Variants in CHORDC1 observed in about 807,000 individuals in gnomAD.
The protein encoded by CHORDC1 is cysteine and histidine rich domain containing 1, also known as cysteine and histidine-rich domain-containing protein 1.
In CHORDC1, 25 loss-of-function variants were observed where a neutral mutation model predicts 48.3. The ratio of observed to expected loss-of-function variants is 0.52; its 90% CI spans 0.38 to 0.72. The LOEUF (loss-of-function observed/expected upper bound fraction) is 0.72. Among genes scored for constraint, CHORDC1 ranks in the 30% least tolerant of loss-of-function variants. The pLI is 0.00. For missense variants in CHORDC1, 317 were observed against 388.7 expected (o/e 0.82, Z 1.55); for synonymous variants, 128 against 126.4 (o/e 1.01, Z -0.09).
intron 9 of CHORDC1, 143 bp from the exon 10 acceptor site, chr11:90,203,018 AGCCACTG>A: frequency 9.0e-7 from 1 of 1,110,458 alleles, no homozygotes; most frequent in Non-Finnish European, 1.2e-6. Flanking sequence ...ATATGAGAAA[AGCCACTG>A]ACAAAAAAGA....
At chr11:90,222,820 C>T in intron 1 of CHORDC1, 71 bp downstream of exon 1, 4 of 1,391,306 alleles carry the variant, frequency 2.9e-6, no homozygotes, top group Non-Finnish European at 3.0e-6. Flanking sequence ...CCGCGGACAC[C>T]CTCCGGCCCA....
intron 7 of CHORDC1, 59 bp downstream of exon 7, chr11:90,206,143 A>G: frequency 1.9e-6 from 2 of 1,027,824 alleles, no homozygotes; most frequent in Non-Finnish European, 3.1e-6. Context: ...TTAAAGACAG[A>G]AAGGTTTAAC....
At chr11:90,209,097 A>G (rs991855810) in intron 6 of CHORDC1, 1 of 152,026 alleles carries the variant, frequency 6.6e-6, no homozygotes, top group Non-Finnish European at 1.5e-5. Flanking sequence ...TTACCCTACC[A>G]TTTGCACTGC....
chr11:90,202,957 G>A (rs1161942528), intron 9 of CHORDC1, 82 bp from the exon 10 acceptor site: 15 of 1,427,064 alleles, frequency 1.1e-5, no homozygotes, highest in Admixed American at 2.7e-5. Context: ...AAATAAGACT[G>A]ACAAAAATGA....
At position 90,201,113 on chromosome 11, in the gene CHORDC1, T is replaced by C. The variant is rs1327952481; in HGVS notation, c.*1292A>G. The C allele has an allele frequency of 6.6e-6, 1 of 152,020 alleles. No individual in the cohort carries two copies. 9.4% of individuals were successfully genotyped at this position (152,020 alleles called of 1,614,324 possible). Reference sequence around the variant, plus strand: ...TTGCTAATGGTAGTAGAATGATACATATGTTTTATTCACGAAAATAGTACT... The same window carrying C: ...TTGCTAATGGTAGTAGAATGATACACATGTTTTATTCACGAAAATAGTACT... On this transcript the variant is annotated 3_prime_UTR_variant, in exon 11 of 11. Transcript: ENST00000320585.
chr11:90,222,970 T>A lies in CHORDC1; in HGVS notation c.-16A>T. 3 of 1,611,602 alleles carry A rather than the reference T, an allele frequency of 1.9e-6. No homozygotes were observed. Among genetic ancestry groups the A allele is most frequent in the Non-Finnish European group, 2.5e-6 (3 of 1,177,840 alleles). ...GCAAGGCCATTTTCTTTTCCCACCG[T>A]CACAGGCAAGGCCCAAACACCGGGA... On this transcript the variant is annotated 5_prime_UTR_variant, in exon 1 of 11. Transcript: ENST00000320585.
At chr11:90,221,544 G>GT (rs1858172601) in intron 1 of CHORDC1, among the ~76,000 whole-genome samples, 1 of 152,130 alleles carries the variant, frequency 6.6e-6, no homozygotes, top group African/African-American at 2.4e-5. Flanking sequence ...TAAGCAAAGC[G>GT]TCAGTCTTTC....
intron 6 of CHORDC1, chr11:90,206,990 A>G: frequency 2.9e-6 from 1 of 339,948 alleles, no homozygotes. Flanking sequence ...TCACAAGAAC[A>G]TAAAACTCAG....
At position 90,205,528 on chromosome 11, in the gene CHORDC1, C is replaced by G. The variant is rs1184752454; in HGVS notation, c.601G>C (p.Asp201His). Residue 201 changes from aspartate (D) to histidine (H), a missense_variant, in exon 8 of 11, where the codon GAT (aspartate) becomes CAT (histidine). By Grantham distance (81) the Asp-to-His change is moderately conservative (BLOSUM62 -1). Coordinates refer to ENST00000320585, the MANE Select transcript of CHORDC1 (RefSeq NM_012124.3). ...YWSCCRRKTS[D>H]FNTFLAQEGC... The stretch of plus-strand genomic sequence containing the variant: ...TCTTGGGCTAAGAATGTATTAAAAT[C>G]AGAAGTTTTTCTTCTACAACAGCTC... The G allele has an allele frequency of 6.2e-7, 1 of 1,601,976 alleles. No individual in the cohort carries two copies. Among genetic ancestry groups the G allele is most frequent in the South Asian group, 1.1e-5 (1 of 87,768 alleles).
chr11:90,218,199 GAAA>G lies in CHORDC1; in HGVS notation c.65-18_65-16del, dbSNP rs34787918. 24 of 1,329,300 alleles carry G rather than the reference GAAA, an allele frequency of 1.8e-5. No individual in the cohort carries two copies. The highest frequency in any genetic ancestry group is 1.9e-4 in the Middle Eastern group (1 of 5,234). The allele number at this position is 1,329,300 out of a possible 1,614,324, so 82.3% of individuals were successfully genotyped here. On this transcript the variant is annotated splice_polypyrimidine_tract_variant and intron_variant, in intron 1 of 10. Coordinates refer to ENST00000320585, the MANE Select transcript of CHORDC1 (RefSeq NM_012124.3). ...TGTGCAAGCATCTGGAGAAAACAGAGAAAAAAAAAAAAGTACCACTCTTTATAA... is the reference window on the plus strand; with the variant it reads ...TGTGCAAGCATCTGGAGAAAACAGAGAAAAAAAAAGTACCACTCTTTATAA...
intron 8 of CHORDC1, among the ~76,000 whole-genome samples, chr11:90,204,833 T>C (rs931258223): frequency 1.3e-5 from 2 of 152,154 alleles, no homozygotes; most frequent in Non-Finnish European, 2.9e-5. Context: ...CAAAAACTTA[T>C]TGAGCAATAA....
At chr11:90,218,443 C>T (rs1369625136) in intron 1 of CHORDC1, among the ~76,000 whole-genome samples, 1 of 151,958 alleles carries the variant, frequency 6.6e-6, no homozygotes. Flanking sequence ...TTTATATTCC[C>T]CTAATCTTGG....
chr11:90,206,712 T>A, intron 6 of CHORDC1: 1 of 1,038,460 alleles, frequency 9.6e-7, no homozygotes, highest in South Asian at 1.4e-5. Flanking sequence ...TGATGGTGAT[T>A]TCTTATCCCT....
At chr11:90,213,524 A>G (rs1857925228) in intron 4 of CHORDC1, 3 of 583,156 alleles carry the variant, frequency 5.1e-6, no homozygotes, top group Non-Finnish European at 9.3e-6. Flanking sequence ...CAATGAGCAA[A>G]CGCTTTTTTA....
Position 90,214,138 on chromosome 11 carries a change from G to A in CHORDC1, c.209C>T (p.Pro70Leu). 1 of 1,613,324 alleles carries A rather than the reference G, an allele frequency of 6.2e-7. No homozygotes were observed. Among genetic ancestry groups the A allele is most frequent in the Non-Finnish European group, 8.5e-7 (1 of 1,179,492 alleles). The part of the protein sequence containing the change: ...TKGRHNSEKP[P>L]EPVKPEVKTT... ...CTTGACTTCAGGTTTGACTGGCTCAGGTGGCTTCTCACTATTATGTCTACC... is the reference window on the plus strand; with the variant it reads ...CTTGACTTCAGGTTTGACTGGCTCAAGTGGCTTCTCACTATTATGTCTACC... Residue 70 changes from proline to leucine, a missense_variant, in exon 4 of 11, where the codon CCT (proline) becomes CTT (leucine). Coordinates refer to ENST00000320585, the MANE Select transcript of CHORDC1 (RefSeq NM_012124.3).
At position 90,202,480 on chromosome 11, in the gene CHORDC1, T is replaced by A; in HGVS notation, c.924A>T (p.Glu308Asp). 6.2e-7 allele frequency: 1 copy of A among 1,612,694 alleles called. No individual in the cohort carries two copies. The highest frequency in any genetic ancestry group is 8.5e-7 in the Non-Finnish European group (1 of 1,179,658). Residue 308 changes from glutamate (E) to aspartate (D), a missense_variant, in exon 11 of 11, where the codon GAA (glutamate) becomes GAT (aspartate). Physicochemically the swap from Glu to Asp is conservative, Grantham distance 45 (BLOSUM62 2). Coordinates refer to ENST00000320585, the MANE Select transcript of CHORDC1 (RefSeq NM_012124.3). ...GTTCAAGGCTTGCCCACTGCATCGG[T>A]TCAGCTTTTCTCATAGTGATTTCAA... ...TKIEITMRKA[E>D]PMQWASLELP... is the part of the protein sequence containing the mutation.
intron 2 of CHORDC1, among the ~76,000 whole-genome samples, chr11:90,215,878 C>T (rs778877087): frequency 1.3e-5 from 2 of 152,120 alleles, no homozygotes; most frequent in Non-Finnish European, 2.9e-5. Flanking sequence ...AATGCAAAAT[C>T]TCAAAACTTG....
chr11:90,206,752 ATATATATCCAGGG>A, intron 6 of CHORDC1: 1 of 1,282,912 alleles, frequency 7.8e-7, no homozygotes, highest in Non-Finnish European at 1.0e-6. Flanking sequence ...GCAGACCTAT[ATATATATCCAGGG>A]TTTGTCTGGA....
intron 1 of CHORDC1, chr11:90,222,497 C>A: frequency 2.5e-6 from 1 of 394,406 alleles, no homozygotes; most frequent in South Asian, 1.9e-5. Context: ...GCCATCACTA[C>A]TTCGGGAACT....
Sources: gnomAD v4.1 joint callset for allele counts (sites outside exome capture counted in the v4.1 genomes callset) on GRCh38, gnomAD v4.1.1 for gene constraint, MANE v1.5 for transcripts, NCBI Gene and HGNC (gene_info 2026-07-23, HGNC 2026-07-21) for gene names.